The following SPOCK1 variants were observed in gnomAD, a reference collection of about 807,000 sequenced individuals.
The protein encoded by SPOCK1 is testican-1.
In SPOCK1, 23 loss-of-function variants were observed where a neutral mutation model predicts 55.3. That is an observed-to-expected ratio of 0.42 (90% CI 0.30 to 0.59). SPOCK1 has a LOEUF of 0.59. Among genes scored for constraint, SPOCK1 ranks in the 20% least tolerant of loss-of-function variants. SPOCK1 has a pLI of 0.22. For missense variants in SPOCK1, 499 were observed against 552.5 expected (o/e 0.90, Z 0.97); for synonymous variants, 226 against 221.0 (o/e 1.02, Z -0.20).
rs6892706 is a variant in SPOCK1 at position 137,235,561 on chromosome 5, G to C, written c.232+31449C>G. Among the ~76,000 whole-genome samples, 3 of 152,306 alleles carry C rather than the reference G, an allele frequency of 2.0e-5. No homozygotes were observed. The South Asian group carries it at 6.2e-4, about 32-fold the overall frequency. ...TGAGTATGGGCAGAAAGATGCCTAC[G>C]TTTGGAGGTATGTATACAAGTGAAA... On this transcript the variant is annotated intron_variant, in intron 3 of 10. Coordinates refer to ENST00000394945, the MANE Select transcript of SPOCK1 (RefSeq NM_004598.4).
chr5:137,247,125 G>A (rs1442739001), intron 3 of SPOCK1, among the ~76,000 whole-genome samples: 1 of 152,216 alleles, frequency 6.6e-6, no homozygotes, highest in East Asian at 1.9e-4. Context: ...AAACCACGGA[G>A]GGAAGGCAGA....
chr5:137,079,450 CCTTAGGTCCA>C (rs1200811459), intron 5 of SPOCK1, among the ~76,000 whole-genome samples: 1 of 151,744 alleles, frequency 6.6e-6, no homozygotes, highest in Non-Finnish European at 1.5e-5. Context: ...CTTTGATACT[CCTTAGGTCCA>C]TGAATGGTAT....
intron 5 of SPOCK1, among the ~76,000 whole-genome samples, chr5:137,094,157 A>C (rs1753099662): frequency 6.6e-6 from 1 of 152,212 alleles, no homozygotes; most frequent in South Asian, 2.1e-4. Context: ...GGCCTGAGTC[A>C]CTGGGCACAG....
intron 6 of SPOCK1, among the ~76,000 whole-genome samples, chr5:136,999,904 CT>C (rs1460833341): frequency 6.6e-6 from 1 of 152,132 alleles, no homozygotes; most frequent in Non-Finnish European, 1.5e-5. Context: ...GAACCAATTA[CT>C]GGTATATTCT....
At chr5:137,470,991 A>G (rs1753728108) in intron 2 of SPOCK1, among the ~76,000 whole-genome samples, 1 of 152,188 alleles carries the variant, frequency 6.6e-6, no homozygotes, top group Non-Finnish European at 1.5e-5. Flanking sequence ...GTTCTTTTTC[A>G]TAGGGTTGTT....
chr5:137,026,643 T>G (rs966623850), intron 6 of SPOCK1, among the ~76,000 whole-genome samples: 8 of 152,182 alleles, frequency 5.3e-5, no homozygotes, highest in African/African-American at 1.7e-4. Flanking sequence ...CCTCTATTGG[T>G]TCTGTTTCTC....
intron 2 of SPOCK1, among the ~76,000 whole-genome samples, chr5:137,373,905 A>G (rs1751254266): frequency 6.6e-6 from 1 of 152,212 alleles, no homozygotes; most frequent in Admixed American, 6.5e-5. Context: ...TCATTCATTC[A>G]TTTTACACAT....
At chr5:137,369,996 C>T (rs562862035) in intron 2 of SPOCK1, among the ~76,000 whole-genome samples, 1 of 152,212 alleles carries the variant, frequency 6.6e-6, no homozygotes, top group African/African-American at 2.4e-5. Flanking sequence ...AGGATGAGTG[C>T]CGTGATTTAC....
At chr5:137,050,683 T>C (rs1752189561) in intron 6 of SPOCK1, among the ~76,000 whole-genome samples, 1 of 152,208 alleles carries the variant, frequency 6.6e-6, no homozygotes, top group Admixed American at 6.5e-5. Flanking sequence ...TAAAATTTAC[T>C]TTAGAGAGGA....
chr5:137,319,964 A>C (rs1757953127), intron 2 of SPOCK1, among the ~76,000 whole-genome samples: 1 of 151,730 alleles, frequency 6.6e-6, no homozygotes, highest in Non-Finnish European at 1.5e-5. Context: ...AAAAAAAAAA[A>C]AAAAAAAAAC....
At chr5:137,241,999 T>C (rs1440445133) in intron 3 of SPOCK1, among the ~76,000 whole-genome samples, 1 of 152,214 alleles carries the variant, frequency 6.6e-6, no homozygotes, top group Non-Finnish European at 1.5e-5. Context: ...CTGCTTATGA[T>C]AGTAAAATAC....
At chr5:137,392,260 G>T (rs1179753534) in intron 2 of SPOCK1, among the ~76,000 whole-genome samples, 1 of 152,026 alleles carries the variant, frequency 6.6e-6, no homozygotes, top group Non-Finnish European at 1.5e-5. Flanking sequence ...CTTTACCACT[G>T]CTTGCACCCA....
chr5:137,270,034 T>C (rs1224632536), intron 2 of SPOCK1, among the ~76,000 whole-genome samples: 1 of 152,248 alleles, frequency 6.6e-6, no homozygotes, highest in African/African-American at 2.4e-5. Flanking sequence ...ACTTCTACCC[T>C]GGGAAGTAGT....
intron 6 of SPOCK1, among the ~76,000 whole-genome samples, chr5:137,004,376 T>C (rs1751204654): frequency 6.6e-6 from 1 of 152,066 alleles, no homozygotes; most frequent in Admixed American, 6.6e-5. Flanking sequence ...GTGTACGACT[T>C]ACTACTCTTC....
At chr5:137,398,341 T>C (rs894116917) in intron 2 of SPOCK1, among the ~76,000 whole-genome samples, 2 of 152,174 alleles carry the variant, frequency 1.3e-5, no homozygotes, top group Admixed American at 6.5e-5. Context: ...CCCATCACCC[T>C]GGGAGATGGG....
chr5:137,006,617 T>G (rs769955698), intron 6 of SPOCK1, among the ~76,000 whole-genome samples: 16 of 152,252 alleles, frequency 1.1e-4, no homozygotes, highest in Admixed American at 2.0e-4. Context: ...TGGGGTTTTC[T>G]AAATATGCAG....
At chr5:137,191,786 C>A (rs1755184903) in intron 3 of SPOCK1, among the ~76,000 whole-genome samples, 1 of 152,182 alleles carries the variant, frequency 6.6e-6, no homozygotes, top group Non-Finnish European at 1.5e-5. Flanking sequence ...TAATTTGAAA[C>A]AATACCTAAA....
intron 4 of SPOCK1, among the ~76,000 whole-genome samples, chr5:137,123,119 G>T (rs996337105): frequency 2.0e-5 from 3 of 152,192 alleles, no homozygotes; most frequent in Non-Finnish European, 4.4e-5. Flanking sequence ...TCACAAAAGC[G>T]CTACAGGAGG....
chr5:137,260,205 T>C (rs2127112162), intron 3 of SPOCK1, among the ~76,000 whole-genome samples: 1 of 152,284 alleles, frequency 6.6e-6, no homozygotes, highest in Admixed American at 6.5e-5. Flanking sequence ...GCCCTCCTCC[T>C]GGCATCCCGC....
Sources: gnomAD v4.1 joint callset for allele counts (sites outside exome capture counted in the v4.1 genomes callset) on GRCh38, gnomAD v4.1.1 for gene constraint, MANE v1.5 for transcripts, NCBI Gene and HGNC (gene_info 2026-07-23, HGNC 2026-07-21) for gene names.